Variants in PRDM2 observed in about 807,000 individuals in gnomAD.
The protein encoded by PRDM2 is PR domain zinc finger protein 2.
In PRDM2, 30 loss-of-function variants were observed where a neutral mutation model predicts 130.0. The observed-to-expected ratio is 0.23, with a 90% CI of 0.17 to 0.31. The LOEUF (loss-of-function observed/expected upper bound fraction) is 0.31. Among genes scored for constraint, PRDM2 ranks in the 10% least tolerant of loss-of-function variants. PRDM2 has a pLI of 1.00. For synonymous variants in PRDM2, 871 were observed against 782.4 expected (o/e 1.11, Z -1.89); for missense variants, 2,011 against 2,108.4 (o/e 0.95, Z 0.90).
intron 9 of PRDM2, among the ~76,000 whole-genome samples, chr1:13,820,401 A>G (rs1187567180): frequency 6.6e-6 from 1 of 152,210 alleles, no homozygotes; most frequent in African/African-American, 2.4e-5. Flanking sequence ...CACAAAGCCC[A>G]GAGGTTTCTG....
Position 13,769,462 on chromosome 1 carries a change from A to G in PRDM2, c.512-3616A>G, listed in dbSNP as rs1644307938. On this transcript the variant is annotated intron_variant, in intron 6 of 9. Coordinates refer to ENST00000311066, the MANE Select transcript of PRDM2 (RefSeq NM_001393986.1). Reference sequence around the variant, plus strand: ...CCCTGGTTCTGCTTTCTGTTCTGCCATAGGCTAATTACTTCCCCTCTGGCG... The same window carrying G: ...CCCTGGTTCTGCTTTCTGTTCTGCCGTAGGCTAATTACTTCCCCTCTGGCG... Among the ~76,000 whole-genome samples the G allele has an allele frequency of 2.6e-5, 4 of 152,224 alleles. 1 individual carries two copies. The South Asian group carries it at 6.2e-4, about 24-fold the overall frequency.
chr1:13,706,912 A>G (rs1446510289), intron 1 of PRDM2, among the ~76,000 whole-genome samples: 1 of 150,992 alleles, frequency 6.6e-6, no homozygotes. Context: ...TAACATATTT[A>G]GAGAATAAAT....
chr1:13,770,472 C>T (rs762257128), intron 6 of PRDM2: 2 of 251,996 alleles, frequency 7.9e-6, no homozygotes, highest in Non-Finnish European at 1.6e-5. Context: ...TTTTATATGA[C>T]CTACAGACTG....
At chr1:13,740,523 TA>T (rs1643406984) in intron 4 of PRDM2, among the ~76,000 whole-genome samples, 2 of 152,330 alleles carry the variant, frequency 1.3e-5, no homozygotes, top group South Asian at 4.1e-4. Context: ...TGTTACGCAG[TA>T]GGTGCTCATT....
chr1:13,749,732 C>G (rs1293942035), intron 6 of PRDM2, among the ~76,000 whole-genome samples: 1 of 151,938 alleles, frequency 6.6e-6, no homozygotes, highest in Admixed American at 6.6e-5. Context: ...GCTGCTGAAT[C>G]ACGGCCGCCG....
intron 8 of PRDM2, among the ~76,000 whole-genome samples, chr1:13,798,275 C>T (rs1053450429): frequency 6.6e-6 from 1 of 152,164 alleles, no homozygotes; most frequent in Non-Finnish European, 1.5e-5. Flanking sequence ...TAACTCATGA[C>T]CCTCTTGGTT....
chr1:13,778,595 G>GGGAAGAGGAGGAGGA lies in PRDM2; in HGVS notation c.816_830dup (p.Glu272_Glu276dup). 1.9e-6 allele frequency: 3 copies of GGGAAGAGGAGGAGGA among 1,613,984 alleles called. No individual in the cohort carries two copies. The highest frequency in any genetic ancestry group is 4.5e-5 in the East Asian group (2 of 44,886). On this transcript the variant is annotated inframe_insertion, in exon 8 of 10. Transcript: ENST00000311066. ...GCAGCTTGTGAGGTGAATGATTTGG[G>GGGAAGAGGAGGAGGA]GGAAGAGGAGGAGGAGGAAGAGGAG...
At chr1:13,744,648 T>C (rs1557613990) in intron 5 of PRDM2, among the ~76,000 whole-genome samples, 1 of 152,184 alleles carries the variant, frequency 6.6e-6, no homozygotes, top group African/African-American at 2.4e-5. Context: ...CCAATATATA[T>C]ATATATATAA....
chr1:13,710,534 A>G (rs1033691741), intron 1 of PRDM2, among the ~76,000 whole-genome samples: 2 of 152,204 alleles, frequency 1.3e-5, no homozygotes, highest in Non-Finnish European at 2.9e-5. Context: ...AAAATGTTAG[A>G]TATGTAAAAT....
intron 5 of PRDM2, among the ~76,000 whole-genome samples, chr1:13,745,992 T>A (rs1643592521): frequency 6.6e-6 from 1 of 152,210 alleles, no homozygotes; most frequent in Admixed American, 6.5e-5. Context: ...TTTTCTAATA[T>A]TTCTGACACA....
Position 13,780,662 on chromosome 1 carries a change from T to A in PRDM2, c.2867T>A (p.Leu956His), listed in dbSNP as rs768844672. 1 of 1,612,138 alleles carries A rather than the reference T, an allele frequency of 6.2e-7. No individual in the cohort carries two copies. The highest frequency in any genetic ancestry group is 8.5e-7 in the Non-Finnish European group (1 of 1,178,880). Residue 956 changes from leucine to histidine, a missense_variant, in exon 8 of 10, where the codon CTT becomes CAT. Leu to His is a moderately conservative substitution (Grantham distance 99). This residue lies in a region of PRDM2 where 1,288 missense variants were observed against 1,237.7 expected (regional missense o/e 1.04). Coordinates refer to ENST00000311066, the MANE Select transcript of PRDM2 (RefSeq NM_001393986.1). The stretch of plus-strand genomic sequence containing the variant: ...TCACCTGCCCTGCAGACACCCTCCC[T>A]TTCATCCGGTCAGCTGCCTCCTCTC... ...PSSPALQTPS[L>H]SSGQLPPLLI...
At chr1:13,719,873 G>A (rs758733510) in intron 2 of PRDM2, among the ~76,000 whole-genome samples, 4 of 151,964 alleles carry the variant, frequency 2.6e-5, no homozygotes, top group African/African-American at 4.8e-5. Context: ...GAATTTTAGC[G>A]ATTTTAATAT....
At chr1:13,816,101 A>G (rs1378788200) in intron 8 of PRDM2, among the ~76,000 whole-genome samples, 5 of 152,182 alleles carry the variant, frequency 3.3e-5, no homozygotes, top group Admixed American at 2.6e-4. Flanking sequence ...ATTCTGGCTC[A>G]CCTGCATGTC....
chr1:13,775,841 G>A (rs1370077677), intron 7 of PRDM2, among the ~76,000 whole-genome samples: 1 of 151,978 alleles, frequency 6.6e-6, no homozygotes, highest in Non-Finnish European at 1.5e-5. Context: ...CTTGCTCCTC[G>A]GCCTCCAGTG....
chr1:13,764,435 G>A (rs570142857), intron 6 of PRDM2, among the ~76,000 whole-genome samples: 12 of 152,284 alleles, frequency 7.9e-5, no homozygotes, highest in African/African-American at 2.2e-4. Flanking sequence ...AAATCATTTT[G>A]TTCATGCCAC....
rs988719725 is a variant in PRDM2 at position 13,779,598 on chromosome 1, G to T, written c.1803G>T (p.Leu601=). ...ASADLYGINC[L]LTPVTVEITQ... ...CAGATTTGTATGGTATAAATTGTCT[G>T]CTCACTCCAGTTACAGTGGAAATTA... Residue 601 remains leucine (L), a synonymous_variant, in exon 8 of 10, where the codon CTG becomes CTT. Coordinates refer to ENST00000311066, the MANE Select transcript of PRDM2 (RefSeq NM_001393986.1). The surrounding 1 kb of genome is among the most constrained non-coding windows in gnomAD (Gnocchi z 4.9). 3 of 1,614,062 alleles carry T rather than the reference G, an allele frequency of 1.9e-6. No homozygotes were observed.
rs529053203 is a variant in PRDM2 at position 13,780,945 on chromosome 1, A to C, written c.3150A>C (p.Thr1050=). ...CTGCCGCCTCACCCGGGCCTCCAAC[A>C]CTTTCTTCTTCCTCCTCTTCATCTT... The part of the protein sequence containing the change: ...LMSAASPGPP[T]LSSSSSSSSS... Residue 1050 remains threonine (T), a synonymous_variant, in exon 8 of 10, where the codon ACA becomes ACC. Transcript: ENST00000311066. 1.5e-4 allele frequency: 245 copies of C among 1,608,942 alleles called. 2 individuals are homozygous for C. The South Asian group carries it at 2.5e-3, about 16-fold the overall frequency.
chr1:13,806,423 C>T lies in PRDM2; in HGVS notation c.5037-10004C>T, dbSNP rs1645087845. On this transcript the variant is annotated intron_variant, in intron 8 of 9. Transcript: ENST00000311066. The surrounding 1 kb of genome is among the most constrained non-coding windows in gnomAD (Gnocchi z 4.1). Reference sequence around the variant, plus strand: ...CATTCAGCCGCCCACCTGACATCTCCCTTGGGTGTCTAGATTCAAATTTAA... The same window carrying T: ...CATTCAGCCGCCCACCTGACATCTCTCTTGGGTGTCTAGATTCAAATTTAA... Among the ~76,000 whole-genome samples, 1 of 152,210 alleles carries T rather than the reference C, an allele frequency of 6.6e-6. No individual in the cohort carries two copies. The highest frequency in any genetic ancestry group is 2.1e-4 in the South Asian group (1 of 4,830).
intron 6 of PRDM2, among the ~76,000 whole-genome samples, chr1:13,752,015 C>T (rs1241822264): frequency 6.6e-6 from 1 of 151,556 alleles, no homozygotes; most frequent in African/African-American, 2.4e-5. Context: ...TTATTGAGCC[C>T]CTGCTGTGTA....
Sources: allele counts gnomAD v4.1 joint callset (sites outside exome capture counted in the v4.1 genomes callset), GRCh38; gene constraint gnomAD v4.1.1; regional missense constraint gnomAD v4.1.1; non-coding constraint Gnocchi (gnomAD v3.1); transcripts MANE v1.5; gene names NCBI Gene and HGNC (gene_info 2026-07-23, HGNC 2026-07-21).